ACTR3C: variants seen among roughly 807,000 people sequenced by gnomAD.
ACTR3C encodes actin-related protein 3C.
A neutral mutation model predicts 26.3 loss-of-function variants in ACTR3C; 18 were observed. The ratio of observed to expected loss-of-function variants is 0.68; its 90% confidence interval spans 0.47 to 1.01. The LOEUF (loss-of-function observed/expected upper bound fraction) is 1.01, where lower values mean the gene tolerates loss of function less well. Among genes scored for constraint, ACTR3C ranks in the 50% least tolerant of loss-of-function variants. The probability of loss-of-function intolerance (pLI) is 0.00; values close to 1 mark genes in which losing one functional copy is unlikely to be tolerated. For missense variants in ACTR3C, 184 were observed against 250.7 expected (o/e 0.73, Z 1.80); for synonymous variants, 55 against 94.5 (o/e 0.58, Z 2.42).
the ACTR3C span, among the ~76,000 whole-genome samples, chr7:150,220,830 C>A: frequency 1.3e-5 from 2 of 152,422 alleles, no homozygotes; most frequent in African/African-American, 2.4e-5. Flanking sequence ...CTTTCCACAC[C>A]CCCCTCACCC....
chr7:150,140,533 C>G, the ACTR3C span, among the ~76,000 whole-genome samples: 80 of 152,044 alleles, frequency 5.3e-4, no homozygotes, highest in African/African-American at 1.8e-3. Flanking sequence ...AAGAAATGGC[C>G]ACAGGTACCC....
chr7:150,163,384 ATGTGTGTG>A, the ACTR3C span, among the ~76,000 whole-genome samples: 1 of 148,702 alleles, frequency 6.7e-6, no homozygotes, highest in Admixed American at 6.7e-5. Flanking sequence ...ATATGTGTGT[ATGTGTGTG>A]TGTGTGTGTG....
In ACTR3C at chr7:150,293,407, A is replaced by G. The variant is rs1363565737; in HGVS notation, c.58T>C (p.Leu20=). The G allele has an allele frequency of 6.3e-7, 1 of 1,597,296 alleles. No homozygotes were observed. ...TGTCGAGATGTCCAAGATGCCGCCAAGGCCAGCACTGCCTGGAGAAAAGAC... is the reference window on the plus strand; with the variant it reads ...TGTCGAGATGTCCAAGATGCCGCCAGGGCCAGCACTGCCTGGAGAAAAGAC... ...LYIAVQAVLA[L]AASWTSRQVG... is the part of the protein sequence containing the mutation. The change falls in exon 3 of 8, where the codon TTG becomes CTG. Residue 20 remains leucine (L), a synonymous_variant. Transcript: ENST00000683684.
chr7:150,299,481 AAAAAAAAAAAAAAC>A (rs1795238652), intron 1 of ACTR3C, among the ~76,000 whole-genome samples: 5 of 146,590 alleles, frequency 3.4e-5, no homozygotes, highest in South Asian at 2.1e-4. Flanking sequence ...AAAAAAAAAA[AAAAAAAAAAAAAAC>A]AAAAAACAGG....
intron 3 of ACTR3C, among the ~76,000 whole-genome samples, chr7:150,291,153 G>A (rs528742770): frequency 9.2e-5 from 14 of 152,272 alleles, no homozygotes; most frequent in African/African-American, 2.4e-4. Context: ...AGCTTAGGCC[G>A]GGCATAGTGG....
At chr7:150,190,821 G>A in the ACTR3C span, among the ~76,000 whole-genome samples, 1 of 152,154 alleles carries the variant, frequency 6.6e-6, no homozygotes, top group East Asian at 1.9e-4. Context: ...GAGGCCTCAG[G>A]AAACTTACAA....
the ACTR3C span, among the ~76,000 whole-genome samples, chr7:150,149,594 GT>G: frequency 6.7e-6 from 1 of 149,306 alleles, no homozygotes; most frequent in Non-Finnish European, 1.5e-5. Context: ...AACATGTGGT[GT>G]TTGGTTTTGT....
the ACTR3C span, among the ~76,000 whole-genome samples, chr7:150,111,327 C>T: frequency 9.3e-6 from 1 of 107,868 alleles, no homozygotes; most frequent in Admixed American, 8.6e-5. Flanking sequence ...TGCCCTGGTG[C>T]CCTGCTCCCA....
At chr7:150,027,192 A>T in the ACTR3C span, among the ~76,000 whole-genome samples, 1 of 152,004 alleles carries the variant, frequency 6.6e-6, no homozygotes. Context: ...TGCCTTACCT[A>T]AATTCCTGAT....
At chr7:149,966,867 TTG>T in the ACTR3C span, among the ~76,000 whole-genome samples, 1 of 151,722 alleles carries the variant, frequency 6.6e-6, no homozygotes, top group Non-Finnish European at 1.5e-5. Context: ...TCCTTTTTTT[TTG>T]TGTGTGTGGG....
chr7:150,203,114 A>AGCATCATT, the ACTR3C span, among the ~76,000 whole-genome samples: 5 of 152,380 alleles, frequency 3.3e-5, no homozygotes, highest in African/African-American at 1.2e-4. Context: ...CAGCAGCATC[A>AGCATCATT]GCATCATTTC....
the ACTR3C span, among the ~76,000 whole-genome samples, chr7:150,034,315 G>A: frequency 2.9e-4 from 44 of 151,634 alleles, no homozygotes; most frequent in African/African-American, 1.0e-3. Context: ...CCCACAGTTT[G>A]GGTTAAAAGT....
At chr7:150,278,916 C>T (rs1265525365) in intron 6 of ACTR3C, among the ~76,000 whole-genome samples, 4 of 152,150 alleles carry the variant, frequency 2.6e-5, no homozygotes, top group Non-Finnish European at 5.9e-5. Context: ...AATAAAATAC[C>T]TATTTGAAAA....
the ACTR3C span, among the ~76,000 whole-genome samples, chr7:149,923,371 G>T: frequency 6.6e-6 from 1 of 151,878 alleles, no homozygotes. Flanking sequence ...ACAATATTTT[G>T]GGTACAGACA....
At chr7:150,185,541 G>T in the ACTR3C span, among the ~76,000 whole-genome samples, 4 of 152,000 alleles carry the variant, frequency 2.6e-5, no homozygotes, top group African/African-American at 9.7e-5. Context: ...TGATTCTGAG[G>T]CAAGTTCATA....
chr7:150,031,286 A>AAAAC, the ACTR3C span, among the ~76,000 whole-genome samples: 2 of 150,594 alleles, frequency 1.3e-5, no homozygotes, highest in African/African-American at 4.9e-5. Context: ...AAAAAAAAAA[A>AAAAC]AACAAATCTG....
At chr7:149,936,716 G>T in the ACTR3C span, among the ~76,000 whole-genome samples, 1 of 152,262 alleles carries the variant, frequency 6.6e-6, no homozygotes, top group South Asian at 2.1e-4. Flanking sequence ...CTGGGTTCAA[G>T]TCCTATTTTT....
chr7:150,275,720 A>C (rs1834816804), intron 6 of ACTR3C, among the ~76,000 whole-genome samples: 1 of 152,034 alleles, frequency 6.6e-6, no homozygotes, highest in African/African-American at 2.4e-5. Flanking sequence ...CTCAAAAAAA[A>C]AACAAAACAA....
chr7:150,225,746 C>G, the ACTR3C span, among the ~76,000 whole-genome samples: 1 of 152,198 alleles, frequency 6.6e-6, no homozygotes, highest in African/African-American at 2.4e-5. Flanking sequence ...CCCTGACCTC[C>G]TAAATACGAT....
Sources: gnomAD v4.1 joint callset for allele counts (sites outside exome capture counted in the v4.1 genomes callset) on GRCh38, gnomAD v4.1.1 for gene constraint, MANE v1.5 for transcripts, NCBI Gene and HGNC (gene_info 2026-07-23, HGNC 2026-07-21) for gene names.